Variants in P2RY14 observed in about 807,000 individuals in gnomAD.
The protein encoded by P2RY14 is purinergic receptor P2Y14, also known as P2Y purinoceptor 14.
In P2RY14, 2 loss-of-function variants were observed where a neutral mutation model predicts 0.9. The observed-to-expected ratio is 2.16, with a 90% CI of 0.88 to 6.79. The LOEUF (loss-of-function observed/expected upper bound fraction) is 6.79. P2RY14 is among the 30% of genes most tolerant of loss of function. P2RY14 has a pLI of 0.05. For synonymous variants in P2RY14, 158 were observed against 147.2 expected, an observed-to-expected ratio of 1.07 and a Z score of -0.53; for missense variants, 378 against 400.1, an observed-to-expected ratio of 0.94 and a Z score of 0.47.
intron 1 of P2RY14, among the ~76,000 whole-genome samples, chr3:151,234,493 T>C (rs1410712703): frequency 6.6e-6 from 1 of 152,228 alleles, no homozygotes; most frequent in Non-Finnish European, 1.5e-5. Context: ...GCTTGTCTGT[T>C]TTACTGTGTT....
chr3:151,220,817 A>G (rs1028914208), intron 1 of P2RY14, among the ~76,000 whole-genome samples: 5 of 152,226 alleles, frequency 3.3e-5, no homozygotes, highest in African/African-American at 1.2e-4. Flanking sequence ...GGACTAATAC[A>G]GTAAATTGGT....
intron 1 of P2RY14, among the ~76,000 whole-genome samples, chr3:151,252,945 T>C (rs957672506): frequency 4.6e-5 from 7 of 152,120 alleles, no homozygotes; most frequent in African/African-American, 1.7e-4. Context: ...TAAAATGACA[T>C]AGGGAATGTG....
chr3:151,271,158 A>G (rs1213228944), intron 1 of P2RY14, among the ~76,000 whole-genome samples: 2 of 152,194 alleles, frequency 1.3e-5, no homozygotes, highest in African/African-American at 2.4e-5. Flanking sequence ...AATAATTTTC[A>G]TTACTCTATA....
At chr3:151,267,673 T>G (rs6793672) in intron 1 of P2RY14, among the ~76,000 whole-genome samples, 1,897 of 152,210 alleles carry the variant, frequency 0.012, 40 homozygotes, top group African/African-American at 0.044. Context: ...TCTTGTAACA[T>G]GTATTACTTA....
At chr3:151,256,283 T>C (rs1295859523) in intron 1 of P2RY14, among the ~76,000 whole-genome samples, 3 of 152,226 alleles carry the variant, frequency 2.0e-5, no homozygotes, top group Admixed American at 2.0e-4. Context: ...AAACTCAAAC[T>C]ATTACGGATG....
chr3:151,272,691 G>A (rs1741166439), intron 1 of P2RY14, among the ~76,000 whole-genome samples: 1 of 152,210 alleles, frequency 6.6e-6, no homozygotes, highest in Non-Finnish European at 1.5e-5. Flanking sequence ...GTTGACAGAT[G>A]TGCAGGAGGT....
At chr3:151,222,811 G>A (rs1325545234) in intron 1 of P2RY14, among the ~76,000 whole-genome samples, 1 of 152,132 alleles carries the variant, frequency 6.6e-6, no homozygotes, top group Non-Finnish European at 1.5e-5. Context: ...ATTTAATAAA[G>A]GTGATGATGG....
At chr3:151,261,685 G>GTTT (rs1738915415) in intron 1 of P2RY14, among the ~76,000 whole-genome samples, 1 of 148,640 alleles carries the variant, frequency 6.7e-6, no homozygotes, top group Non-Finnish European at 1.5e-5. Flanking sequence ...GTGGTACGTG[G>GTTT]TGTTTTGTTT....
intron 1 of P2RY14, among the ~76,000 whole-genome samples, chr3:151,232,390 G>A (rs912341333): frequency 6.6e-6 from 1 of 152,110 alleles, no homozygotes; most frequent in Non-Finnish European, 1.5e-5. Flanking sequence ...CATTCTGATT[G>A]GTGTGAAAAC....
At chr3:151,249,837 T>C (rs889693498) in intron 1 of P2RY14, among the ~76,000 whole-genome samples, 7 of 152,186 alleles carry the variant, frequency 4.6e-5, no homozygotes, top group Admixed American at 2.6e-4. Flanking sequence ...AATACAGTCA[T>C]AATACATCTT....
chr3:151,219,344 A>T (rs1728868346), intron 2 of P2RY14, among the ~76,000 whole-genome samples, 191 bp downstream of exon 2: 1 of 152,228 alleles, frequency 6.6e-6, no homozygotes. Context: ...AAGCAGGCTT[A>T]GTCAGCTCTG....
rs1739535383 is a variant in P2RY14 at position 151,264,835 on chromosome 3, A to C, written c.-133+13452T>G. On this transcript the variant is annotated intron_variant, in intron 1 of 2. Coordinates refer to ENST00000309170, the MANE Select transcript of P2RY14 (RefSeq NM_014879.4). ...CATCCAGAGTTTGGTCATGGCCTGCATGGCTCTACATGACCAGCTGGCCCT... is the reference window on the plus strand; with the variant it reads ...CATCCAGAGTTTGGTCATGGCCTGCCTGGCTCTACATGACCAGCTGGCCCT... Among the ~76,000 whole-genome samples the C allele has an allele frequency of 2.0e-5, 3 of 152,156 alleles. No individual in the cohort carries two copies. The South Asian group carries it at 6.2e-4, about 32-fold the overall frequency.
chr3:151,234,423 A>G (rs1407697280), intron 1 of P2RY14, among the ~76,000 whole-genome samples: 1 of 152,254 alleles, frequency 6.6e-6, no homozygotes, highest in Non-Finnish European at 1.5e-5. Flanking sequence ...GGTCATTGCC[A>G]GTTTACAGCC....
At chr3:151,274,379 C>A (rs1441431575) in intron 1 of P2RY14, among the ~76,000 whole-genome samples, 1 of 152,126 alleles carries the variant, frequency 6.6e-6, no homozygotes, top group African/African-American at 2.4e-5. Context: ...TTATCTCAGA[C>A]CATATCCTCC....
chr3:151,240,110 C>T lies in P2RY14; in HGVS notation c.-132-20468G>A, dbSNP rs1577077468. Reference sequence around the variant, plus strand: ...ACAGCCCCTGACCTGTAATTCCAGGCTCCATAACTGTCAGGACCATTGTTC... The same window carrying T: ...ACAGCCCCTGACCTGTAATTCCAGGTTCCATAACTGTCAGGACCATTGTTC... On this transcript the variant is annotated intron_variant, in intron 1 of 2. Coordinates refer to ENST00000309170, the MANE Select transcript of P2RY14 (RefSeq NM_014879.4). Among the ~76,000 whole-genome samples the T allele has an allele frequency of 2.6e-5, 4 of 151,978 alleles. 1 individual carries two copies. The highest frequency in any genetic ancestry group is 2.6e-4 in the Admixed American group (4 of 15,268).
chr3:151,217,700 T>A (rs1043291394), intron 2 of P2RY14, among the ~76,000 whole-genome samples: 6 of 152,186 alleles, frequency 3.9e-5, no homozygotes, highest in African/African-American at 1.2e-4. Context: ...GATTTCTTCA[T>A]CTTAAAGGAA....
chr3:151,213,619 C>A lies in P2RY14; in HGVS notation c.698G>T (p.Arg233Leu). Residue 233 changes from arginine (R) to leucine (L), a missense_variant, in exon 3 of 3, where the codon CGC becomes CTC. Transcript: ENST00000309170. The stretch of plus-strand genomic sequence containing the variant: ...CACAAACACGATGCTGAATATGTTG[C>A]GGCTAGATTTCTTTTTGACCGAAGT... ...NSTSVKKKSSRNIFSIVFVFF... is the reference protein window; with the variant it reads ...NSTSVKKKSSLNIFSIVFVFF... 1.2e-6 allele frequency: 2 copies of A among 1,614,104 alleles called. No individual in the cohort carries two copies. Among genetic ancestry groups the A allele is most frequent in the Non-Finnish European group, 1.7e-6 (2 of 1,180,010 alleles).
intron 1 of P2RY14, among the ~76,000 whole-genome samples, chr3:151,239,129 G>A (rs914421089): frequency 5.3e-5 from 8 of 152,330 alleles, no homozygotes; most frequent in East Asian, 1.9e-4. Context: ...TTTTGGTACT[G>A]TAGAATGAAA....
At chr3:151,274,201 TAATG>T (rs1292431773) in intron 1 of P2RY14, among the ~76,000 whole-genome samples, 4 of 152,220 alleles carry the variant, frequency 2.6e-5, no homozygotes, top group African/African-American at 4.8e-5. Context: ...CAAATTAAAA[TAATG>T]TATTTAAGGT....
Sources: gnomAD v4.1 joint callset for allele counts (sites outside exome capture counted in the v4.1 genomes callset) on GRCh38, gnomAD v4.1.1 for gene constraint, MANE v1.5 for transcripts, NCBI Gene and HGNC (gene_info 2026-07-23, HGNC 2026-07-21) for gene names.